PCDHGB2: variants seen among roughly 807,000 people sequenced by gnomAD.
PCDHGB2 encodes protocadherin gamma subfamily B, 2, also known as protocadherin gamma-B2.
PCDHGB2 carries 55 observed loss-of-function variants against 59.3 expected under a neutral mutation model. The ratio of observed to expected loss-of-function variants is 0.93; its 90% CI spans 0.75 to 1.16. The LOEUF (loss-of-function observed/expected upper bound fraction) is 1.16, where lower values mean the gene tolerates loss of function less well. Ranked by LOEUF, PCDHGB2 falls within the 50% of genes most tolerant of loss-of-function variation. The pLI is 0.00. For synonymous variants in PCDHGB2, 516 were observed against 512.0 expected (o/e 1.01, Z -0.11); for missense variants, 1,228 against 1,198.5 (o/e 1.02, Z -0.36).
intron 1 of PCDHGB2, among the ~76,000 whole-genome samples, chr5:141,482,385 A>T (rs1238551737): frequency 6.6e-6 from 1 of 152,210 alleles, no homozygotes; most frequent in Non-Finnish European, 1.5e-5. Context: ...AAGTCCCTGT[A>T]TGGAGCAAGT....
rs2099727742 is a variant in PCDHGB2 at position 141,491,740 on chromosome 5, G to C, written c.2422-3067G>C. On this transcript the variant is annotated intron_variant, in intron 1 of 3. Coordinates refer to ENST00000522605, the MANE Select transcript of PCDHGB2 (RefSeq NM_018923.3). The surrounding 1 kb of genome is among the most constrained non-coding windows in gnomAD (Gnocchi z 6.9). Reference sequence around the variant, plus strand: ...GCCGCCCCGGGCGACCCCTGGGGGCGGCACTGGAGAAGCCGCCCGTCCTCA... The same window carrying C: ...GCCGCCCCGGGCGACCCCTGGGGGCCGCACTGGAGAAGCCGCCCGTCCTCA... The C allele has an allele frequency of 6.3e-7, 1 of 1,597,622 alleles. No homozygotes were observed. The highest frequency in any genetic ancestry group is 8.5e-7 in the Non-Finnish European group (1 of 1,173,228).
chr5:141,403,026 AGGCCAG>A, intron 1 of PCDHGB2: 1 of 1,614,074 alleles, frequency 6.2e-7, no homozygotes, highest in Non-Finnish European at 8.5e-7. Context: ...ATGCTATGGG[AGGCCAG>A]GGCCAGTCAG....
At chr5:141,404,096 G>C in intron 1 of PCDHGB2, 1 of 1,613,610 alleles carries the variant, frequency 6.2e-7, no homozygotes, top group Non-Finnish European at 8.5e-7. Flanking sequence ...GAATGGTCAA[G>C]TTGTCTGTTC....
At chr5:141,422,888 T>C in intron 1 of PCDHGB2, 2 of 1,614,262 alleles carry the variant, frequency 1.2e-6, no homozygotes, top group South Asian at 2.2e-5. Flanking sequence ...CTGTTCGTGC[T>C]GGACCAGAAC....
rs2099681350 is a variant in PCDHGB2, at chr5:141,489,024, C to T, written c.2422-5783C>T. 1 of 450,378 alleles carries T rather than the reference C, an allele frequency of 2.2e-6. No individual in the cohort carries two copies. The highest frequency in any genetic ancestry group is 3.9e-6 in the Non-Finnish European group (1 of 256,582). 27.9% of individuals were successfully genotyped at this position (450,378 alleles called of 1,614,324 possible). On this transcript the variant is annotated intron_variant, in intron 1 of 3. Coordinates refer to ENST00000522605, the MANE Select transcript of PCDHGB2 (RefSeq NM_018923.3). The surrounding 1 kb of genome is among the most constrained non-coding windows in gnomAD (Gnocchi z 4.5). ...CTGCTCTTCCAGCCCGCCTCTCCTC[C>T]TCCAGCTCCCCAGCTCCACTCAAAT... is the stretch of plus-strand genomic sequence containing the variant.
Position 141,423,337 on chromosome 5 carries a change from A to G in PCDHGB2, c.2421+60781A>G, listed in dbSNP as rs769321122. The G allele has an allele frequency of 6.0e-5, 97 of 1,614,180 alleles. 1 individual carries two copies. The African/African-American group carries it at 8.9e-4, about 15-fold the overall frequency. ...GGTGGCGGTGGCCGCAGTCTCCTGC[A>G]TCTTCCTGGTCTTTGTCATCGTGCT... On this transcript the variant is annotated intron_variant, in intron 1 of 3. Coordinates refer to ENST00000522605, the MANE Select transcript of PCDHGB2 (RefSeq NM_018923.3).
rs1413584575 is a variant in PCDHGB2, at chr5:141,361,088, G to A, written c.953G>A (p.Ser318Asn). ...DFEIASSYTLSIEAKDPGDLA... is the reference protein window; with the variant it reads ...DFEIASSYTLNIEAKDPGDLA... ...GAGATTGCAAGTAGTTACACTCTGA[G>A]TATCGAAGCAAAAGATCCTGGAGAT... The change falls in exon 1 of 4, where the codon AGT becomes AAT. Residue 318 changes from serine to asparagine, a missense_variant. Coordinates refer to ENST00000522605, the MANE Select transcript of PCDHGB2 (RefSeq NM_018923.3). 1.2e-6 allele frequency: 2 copies of A among 1,613,904 alleles called. No individual in the cohort carries two copies. Among genetic ancestry groups the A allele is most frequent in the African/African-American group, 1.3e-5 (1 of 74,938 alleles).
chr5:141,419,479 C>A, intron 1 of PCDHGB2: 2 of 1,612,390 alleles, frequency 1.2e-6, no homozygotes, highest in Non-Finnish European at 1.7e-6. Flanking sequence ...AGGGCTCGCC[C>A]GCGCTCAGCG....
chr5:141,400,194 G>T (rs2093978875), intron 1 of PCDHGB2: 2 of 1,614,034 alleles, frequency 1.2e-6, no homozygotes, highest in Non-Finnish European at 1.7e-6. Flanking sequence ...TTTACCTAGT[G>T]GTGGCCTTGG....
At chr5:141,381,496 A>G (rs139374379) in intron 1 of PCDHGB2, among the ~76,000 whole-genome samples, 67 of 152,346 alleles carry the variant, frequency 4.4e-4, no homozygotes, top group African/African-American at 1.4e-3. Flanking sequence ...TCTCAATTAC[A>G]CTAGAATAGA....
chr5:141,500,394 A>G (rs1024641290), intron 2 of PCDHGB2, among the ~76,000 whole-genome samples: 1 of 151,922 alleles, frequency 6.6e-6, no homozygotes, highest in Non-Finnish European at 1.5e-5. Flanking sequence ...TATTTTTAGT[A>G]GAGACGGGGT....
chr5:141,372,122 T>C, intron 1 of PCDHGB2: 1 of 1,613,748 alleles, frequency 6.2e-7, no homozygotes, highest in Non-Finnish European at 8.5e-7. Context: ...CGCTCTTCGA[T>C]ATGGTGCCGC....
chr5:141,394,475 C>T (rs1205262995), intron 1 of PCDHGB2: 1 of 1,614,242 alleles, frequency 6.2e-7, no homozygotes, highest in South Asian at 1.1e-5. Context: ...TCGTGCTGGA[C>T]CAGAATGACA....
chr5:141,500,484 C>T (rs2099800696), intron 2 of PCDHGB2, among the ~76,000 whole-genome samples: 1 of 152,304 alleles, frequency 6.6e-6, no homozygotes, highest in Non-Finnish European at 1.5e-5. Context: ...GCTGGGATTA[C>T]AGGCGTGAGC....
chr5:141,487,022 A>T lies in PCDHGB2; in HGVS notation c.2422-7785A>T. ...TCAGCTCCTGGAGGCCCCAGATCCC[A>T]GCCTGTTTGCAGTCTCTCGATATGC... On this transcript the variant is annotated intron_variant, in intron 1 of 3. Coordinates refer to ENST00000522605, the MANE Select transcript of PCDHGB2 (RefSeq NM_018923.3). The surrounding 1 kb of genome is among the most constrained non-coding windows in gnomAD (Gnocchi z 5.0). The T allele has an allele frequency of 1.2e-6, 2 of 1,614,212 alleles. No homozygotes were observed. Among genetic ancestry groups the T allele is most frequent in the Non-Finnish European group, 1.7e-6 (2 of 1,180,048 alleles).
intron 1 of PCDHGB2, among the ~76,000 whole-genome samples, chr5:141,443,486 A>AAAAC (rs1345310906): frequency 6.6e-6 from 1 of 152,166 alleles, no homozygotes; most frequent in Non-Finnish European, 1.5e-5. Flanking sequence ...ACCCTGTCCC[A>AAAAC]AAACAAACAA....
At chr5:141,500,488 C>A (rs569168291) in intron 2 of PCDHGB2, among the ~76,000 whole-genome samples, 2 of 152,060 alleles carry the variant, frequency 1.3e-5, no homozygotes, top group East Asian at 3.9e-4. Flanking sequence ...GGATTACAGG[C>A]GTGAGCCACC....
intron 1 of PCDHGB2, among the ~76,000 whole-genome samples, chr5:141,445,119 T>C (rs975225604): frequency 1.3e-5 from 2 of 152,270 alleles, no homozygotes; most frequent in African/African-American, 4.8e-5. Context: ...TTGTAAATAG[T>C]ATTTTTAAAA....
chr5:141,499,582 T>C (rs952280239), intron 2 of PCDHGB2, among the ~76,000 whole-genome samples: 7 of 152,164 alleles, frequency 4.6e-5, no homozygotes, highest in African/African-American at 7.2e-5. Flanking sequence ...TAATGCCTTA[T>C]CTTGTTTCAC....
Sources: gnomAD v4.1 joint callset for allele counts (sites outside exome capture counted in the v4.1 genomes callset) on GRCh38, gnomAD v4.1.1 for gene constraint, Gnocchi (gnomAD v3.1) non-coding constraint, MANE v1.5 for transcripts, NCBI Gene and HGNC (gene_info 2026-07-23, HGNC 2026-07-21) for gene names.